Variants in FNBP1L observed in about 807,000 individuals in gnomAD.
FNBP1L encodes formin binding protein 1 like, also known as formin-binding protein 1-like.
Under a neutral mutation model 91.2 loss-of-function variants are expected in FNBP1L, and 36 were observed. That is an observed-to-expected ratio of 0.39 (90% CI 0.30 to 0.52). The LOEUF (loss-of-function observed/expected upper bound fraction) is 0.52, where lower values mean the gene tolerates loss of function less well. Ranked by LOEUF, FNBP1L falls within the 20% of genes least tolerant of loss-of-function variation. The pLI is 0.66. For missense variants in FNBP1L, 571 were observed against 732.1 expected, an observed-to-expected ratio of 0.78 and a Z score of 2.54; for synonymous variants, 242 against 237.0, an observed-to-expected ratio of 1.02 and a Z score of -0.19.
intron 1 of FNBP1L, among the ~76,000 whole-genome samples, chr1:93,495,616 G>T (rs1301141933): frequency 6.6e-6 from 1 of 152,076 alleles, no homozygotes; most frequent in Non-Finnish European, 1.5e-5. Flanking sequence ...GTTTAATACA[G>T]GTTGGCTATT....
chr1:93,550,903 A>G, intron 15 of FNBP1L, 44 bp from the exon 16 acceptor site: 2 of 1,468,272 alleles, frequency 1.4e-6, no homozygotes, highest in African/African-American at 2.8e-5. Context: ...TTTAAAAAAA[A>G]TTATCACAAT....
chr1:93,496,829 C>T (rs554498579), intron 1 of FNBP1L, among the ~76,000 whole-genome samples: 162 of 152,284 alleles, frequency 1.1e-3, no homozygotes, highest in African/African-American at 3.8e-3. Flanking sequence ...CTGTACCTGG[C>T]CTAAATGTTA....
intron 2 of FNBP1L, among the ~76,000 whole-genome samples, chr1:93,509,447 G>T (rs1349929057): frequency 6.6e-6 from 1 of 152,214 alleles, no homozygotes; most frequent in African/African-American, 2.4e-5. Context: ...GGGCTGGAAA[G>T]TGTGTGAAAT....
chr1:93,466,796 A>G (rs991371617), intron 1 of FNBP1L, among the ~76,000 whole-genome samples: 1 of 152,092 alleles, frequency 6.6e-6, no homozygotes, highest in Admixed American at 6.6e-5. Flanking sequence ...TTTGGGCAGT[A>G]TGGCCATTTT....
At chr1:93,485,876 T>C (rs564156594) in intron 1 of FNBP1L, among the ~76,000 whole-genome samples, 1 of 152,086 alleles carries the variant, frequency 6.6e-6, no homozygotes, top group Non-Finnish European at 1.5e-5. Context: ...ATTTTTGTAT[T>C]TTTAGTAGAG....
At chr1:93,505,664 A>G (rs886321078) in intron 2 of FNBP1L, among the ~76,000 whole-genome samples, 13 of 152,342 alleles carry the variant, frequency 8.5e-5, no homozygotes, top group Non-Finnish European at 8.8e-5. Context: ...CAGATATTTA[A>G]GAATGTTAGC....
At chr1:93,532,286 G>C (rs1248412850) in intron 7 of FNBP1L, among the ~76,000 whole-genome samples, 1 of 151,946 alleles carries the variant, frequency 6.6e-6, no homozygotes, top group Non-Finnish European at 1.5e-5. Context: ...GGCCAACATG[G>C]TGAAACCCCA....
In FNBP1L at chr1:93,550,947, G is replaced by A; in HGVS notation, c.1652G>A (p.Gly551Glu). 1 of 1,574,612 alleles carries A rather than the reference G, an allele frequency of 6.4e-7. No individual in the cohort carries two copies. Among genetic ancestry groups the A allele is most frequent in the Non-Finnish European group, 8.6e-7 (1 of 1,160,028 alleles). ...TATGCTTGTGAAAACTCTCATCTAG[G>A]ACATAATGAAGGTACTCTAGCAATG... ...GHCKAIYPFD[G>E]HNEGTLAMKE... The change falls in exon 16 of 17, where the codon GGA (glycine) becomes GAA (glutamate). Residue 551 changes from glycine to glutamate, a missense_variant and splice_region_variant. Physicochemically the swap from Gly to Glu is moderately conservative, Grantham distance 98 (BLOSUM62 -2). Coordinates refer to ENST00000271234, the MANE Select transcript of FNBP1L (RefSeq NM_001164473.3).
intron 1 of FNBP1L, among the ~76,000 whole-genome samples, chr1:93,483,453 A>AT (rs1362965996): frequency 6.6e-6 from 1 of 152,158 alleles, no homozygotes; most frequent in Non-Finnish European, 1.5e-5. Flanking sequence ...AATTATTCAT[A>AT]TATATGTTCA....
chr1:93,542,664 A>G (rs1033129803), intron 11 of FNBP1L, among the ~76,000 whole-genome samples: 1 of 151,870 alleles, frequency 6.6e-6, no homozygotes, highest in Non-Finnish European at 1.5e-5. Context: ...GCTATTTAGC[A>G]TATGTTACAG....
chr1:93,523,319 C>G, intron 3 of FNBP1L, 25 bp from the exon 4 acceptor site: 1 of 1,581,632 alleles, frequency 6.3e-7, no homozygotes, highest in Non-Finnish European at 8.6e-7. Flanking sequence ...AAGTAAGTCT[C>G]ACCATTTTGA....
chr1:93,514,408 A>G lies in FNBP1L; in HGVS notation c.141-7674A>G, dbSNP rs1670988853. On this transcript the variant is annotated intron_variant, in intron 2 of 16. Transcript: ENST00000271234. ...CCAATGACTTTCTTCACAGAATTGG[A>G]AAAAACTACTTTAAAGTTCATATGG... 1.9e-5 allele frequency among the ~76,000 whole-genome samples: 2 copies of G among 107,254 alleles called. 1 individual carries two copies. The highest frequency in any genetic ancestry group is 1.9e-4 in the Admixed American group (2 of 10,696). 70.4% of individuals were successfully genotyped at this position (107,254 alleles called of 152,430 possible).
At chr1:93,516,424 G>C (rs1408582302) in intron 2 of FNBP1L, among the ~76,000 whole-genome samples, 1 of 152,156 alleles carries the variant, frequency 6.6e-6, no homozygotes, top group African/African-American at 2.4e-5. Context: ...CAGGAGTTCT[G>C]GCAAGCTTTG....
At chr1:93,477,667 A>G (rs1466367341) in intron 1 of FNBP1L, among the ~76,000 whole-genome samples, 2 of 152,362 alleles carry the variant, frequency 1.3e-5, no homozygotes, top group East Asian at 3.9e-4. Context: ...ATGAATTAAA[A>G]GGAAGAGATT....
At chr1:93,511,266 A>G (rs1250537325) in intron 2 of FNBP1L, among the ~76,000 whole-genome samples, 2 of 152,224 alleles carry the variant, frequency 1.3e-5, no homozygotes, top group Non-Finnish European at 2.9e-5. Flanking sequence ...CTCAGCAGAA[A>G]CTCTACAAGC....
intron 2 of FNBP1L, among the ~76,000 whole-genome samples, chr1:93,508,595 G>A (rs964059850): frequency 6.6e-6 from 1 of 152,086 alleles, no homozygotes; most frequent in African/African-American, 2.4e-5. Context: ...TTTTAAAATT[G>A]CTTAGGACTA....
chr1:93,516,305 C>T (rs1671111312), intron 2 of FNBP1L, among the ~76,000 whole-genome samples: 1 of 152,154 alleles, frequency 6.6e-6, no homozygotes. Context: ...AACCGGGGAC[C>T]TCTTGATCTG....
intron 16 of FNBP1L, 33 bp downstream of exon 16, chr1:93,551,138 C>A (rs781290633): frequency 6.5e-7 from 1 of 1,549,554 alleles, no homozygotes; most frequent in Non-Finnish European, 8.7e-7. Flanking sequence ...TAACCAGGCA[C>A]CTTTGTGCCA....
intron 16 of FNBP1L, chr1:93,552,019 A>C (rs1672430621): frequency 9.9e-7 from 1 of 1,007,216 alleles, no homozygotes. Flanking sequence ...TAATTTTTAA[A>C]GGAGAAACTT....
Sources: allele counts gnomAD v4.1 joint callset (sites outside exome capture counted in the v4.1 genomes callset), GRCh38; gene constraint gnomAD v4.1.1; transcripts MANE v1.5; gene names NCBI Gene and HGNC (gene_info 2026-07-23, HGNC 2026-07-21).